PIK3R4: variants seen among roughly 807,000 people sequenced by gnomAD.
PIK3R4 encodes the protein phosphoinositide 3-kinase regulatory subunit 4.
Under a neutral mutation model 136.5 loss-of-function variants are expected in PIK3R4, and 46 were observed. That is an observed-to-expected ratio of 0.34 (90% CI 0.27 to 0.43). The LOEUF (loss-of-function observed/expected upper bound fraction) is 0.43, where lower values mean the gene tolerates loss of function less well. Ranked by LOEUF, PIK3R4 falls within the 20% of genes least tolerant of loss-of-function variation. PIK3R4 has a pLI of 1.00. For missense variants in PIK3R4, 1,331 were observed against 1,649.5 expected, an observed-to-expected ratio of 0.81 and a Z score of 3.35; for synonymous variants, 557 against 566.7, an observed-to-expected ratio of 0.98 and a Z score of 0.24.
Position 130,733,646 on chromosome 3 carries a change from A to G in PIK3R4, c.1352T>C (p.Val451Ala). 2 of 1,614,068 alleles carry G rather than the reference A, an allele frequency of 1.2e-6. No individual in the cohort carries two copies. The highest frequency in any genetic ancestry group is 1.7e-6 in the Non-Finnish European group (2 of 1,179,918). Residue 451 changes from valine to alanine, a missense_variant, in exon 4 of 20, where the codon GTT (valine) becomes GCT (alanine). By Grantham distance (64) the Val-to-Ala change is moderately conservative (BLOSUM62 0). Around this residue, in one of 2 missense-constraint regions of PIK3R4, gnomAD observed 1,180 missense variants for 1,407.0 expected, o/e 0.84. Transcript: ENST00000356763. Reference protein sequence around the residue: ...LTKVLALVKEVPRNDINIYPE... With the variant: ...LTKVLALVKEAPRNDINIYPE... ...ATAAATATTGATATCATTACGAGGA[A>G]CCTCTTTGACGAGAGCAAGAACTTT...
At chr3:130,722,432 G>T (rs1057322191) in intron 7 of PIK3R4, among the ~76,000 whole-genome samples, 1 of 151,820 alleles carries the variant, frequency 6.6e-6, no homozygotes. Flanking sequence ...TGAGTGCAGG[G>T]GTAAAAAACT....
Position 130,699,297 on chromosome 3 carries a change from G to A in PIK3R4, c.3098+4426C>T, listed in dbSNP as rs1020524011. On this transcript the variant is annotated intron_variant, in intron 13 of 19. Transcript: ENST00000356763. The stretch of plus-strand genomic sequence containing the variant: ...GAGTAAGAGTTTTCTCAAAGAACAA[G>A]GTATGGGCCAAGTCAAATAAAGATG... 2.0e-5 allele frequency among the ~76,000 whole-genome samples: 3 copies of A among 152,156 alleles called. No homozygotes were observed. The South Asian group carries it at 6.2e-4, about 32-fold the overall frequency.
rs376824950 is a variant in PIK3R4, at chr3:130,689,241, A to T, written c.3263+1249T>A. On this transcript the variant is annotated intron_variant, in intron 14 of 19. Coordinates refer to ENST00000356763, the MANE Select transcript of PIK3R4 (RefSeq NM_014602.3). ...CTAGTGTTTGCTTTAAGACAGTAAC[A>T]TTTACAGTGAAAAGTGCCATTGGCT... is the stretch of plus-strand genomic sequence containing the variant. Among the ~76,000 whole-genome samples, 8 of 152,322 alleles carry T rather than the reference A, an allele frequency of 5.3e-5. No homozygotes were observed. In the South Asian group the frequency reaches 1.0e-3, roughly 20 times the overall value.
chr3:130,722,362 A>G (rs978080741), intron 7 of PIK3R4, among the ~76,000 whole-genome samples: 2 of 152,228 alleles, frequency 1.3e-5, no homozygotes, highest in African/African-American at 4.8e-5. Context: ...AGCACTCCAT[A>G]TATTCATCCT....
intron 13 of PIK3R4, among the ~76,000 whole-genome samples, chr3:130,693,434 G>A (rs1300530403): frequency 6.6e-6 from 1 of 152,150 alleles, no homozygotes; most frequent in Non-Finnish European, 1.5e-5. Flanking sequence ...AATGTATAAA[G>A]CTTTCAATTT....
In PIK3R4 at chr3:130,701,832, A is replaced by G. The variant is rs187327514; in HGVS notation, c.3098+1891T>C. 7.2e-5 allele frequency among the ~76,000 whole-genome samples: 11 copies of G among 152,140 alleles called. No homozygotes were observed. In the East Asian group the frequency reaches 2.1e-3, roughly 29 times the overall value. ...ATACTGATGTCTGTATCTTATTTTGAAATCATTAAAAAAAAATGGGGCCAG... is the reference window on the plus strand; with the variant it reads ...ATACTGATGTCTGTATCTTATTTTGGAATCATTAAAAAAAAATGGGGCCAG... On this transcript the variant is annotated intron_variant, in intron 13 of 19. Coordinates refer to ENST00000356763, the MANE Select transcript of PIK3R4 (RefSeq NM_014602.3).
chr3:130,697,317 C>A (rs2066551926), intron 13 of PIK3R4, among the ~76,000 whole-genome samples: 2 of 152,116 alleles, frequency 1.3e-5, no homozygotes, highest in South Asian at 4.1e-4. Flanking sequence ...AGGTGATCCA[C>A]CGCCTCAGCC....
chr3:130,694,093 C>T (rs981256972), intron 13 of PIK3R4, among the ~76,000 whole-genome samples: 1 of 152,008 alleles, frequency 6.6e-6, no homozygotes, highest in African/African-American at 2.4e-5. Flanking sequence ...AGTTCTATAC[C>T]ATGAATATAT....
At chr3:130,741,815 A>G (rs1357328054) in intron 2 of PIK3R4, among the ~76,000 whole-genome samples, 2 of 152,224 alleles carry the variant, frequency 1.3e-5, no homozygotes, top group Non-Finnish European at 2.9e-5. Context: ...TGGCTTGCAC[A>G]TAATATGCTC....
At chr3:130,705,384 A>G (rs2066600760) in intron 12 of PIK3R4, among the ~76,000 whole-genome samples, 177 bp downstream of exon 12, 1 of 152,202 alleles carries the variant, frequency 6.6e-6, no homozygotes, top group African/African-American at 2.4e-5. Flanking sequence ...TTGTAAAAAG[A>G]TCCAACTCCA....
intron 16 of PIK3R4, 47 bp from the exon 17 acceptor site, chr3:130,681,638 G>A (rs756472492): frequency 1.7e-6 from 2 of 1,190,146 alleles, no homozygotes; most frequent in East Asian, 2.4e-5. Flanking sequence ...AAAAGAGTTG[G>A]AGAAGATTAC....
chr3:130,733,203 G>A (rs1404861998), intron 4 of PIK3R4, among the ~76,000 whole-genome samples: 1 of 152,158 alleles, frequency 6.6e-6, no homozygotes, highest in Admixed American at 6.5e-5. Flanking sequence ...AAAACTGACA[G>A]TCAAATAACC....
At chr3:130,707,691 G>C (rs1042172386) in intron 10 of PIK3R4, among the ~76,000 whole-genome samples, 2 of 152,128 alleles carry the variant, frequency 1.3e-5, no homozygotes, top group African/African-American at 4.8e-5. Context: ...TGCTAGAATA[G>C]AGGAAATTTT....
rs769654390 is a variant in PIK3R4, at chr3:130,707,135, G to T, written c.2534C>A (p.Ala845Asp). The stretch of plus-strand genomic sequence containing the variant: ...TGAGTCTTGTTTTACATGTTTTCTG[G>T]CTATGAAAATATATTCAGAATAGTT... Reference protein sequence around the residue: ...KTKQEPDDKRARKHVKQDSNV... With the variant: ...KTKQEPDDKRDRKHVKQDSNV... Residue 845 changes from alanine to aspartate, a missense_variant and splice_region_variant, in exon 11 of 20, where the codon GCC becomes GAC. Physicochemically the swap from Ala to Asp is moderately radical, Grantham distance 126. Coordinates refer to ENST00000356763, the MANE Select transcript of PIK3R4 (RefSeq NM_014602.3). The T allele has an allele frequency of 3.1e-6, 5 of 1,595,966 alleles. No homozygotes were observed. Among genetic ancestry groups the T allele is most frequent in the Admixed American group, 3.5e-5 (2 of 57,582 alleles).
intron 2 of PIK3R4, among the ~76,000 whole-genome samples, chr3:130,738,643 A>C (rs2066800145): frequency 6.6e-6 from 1 of 152,014 alleles, no homozygotes; most frequent in Non-Finnish European, 1.5e-5. Context: ...TTGAGCACTA[A>C]GGCAGGGTAA....
intron 2 of PIK3R4, among the ~76,000 whole-genome samples, chr3:130,740,504 A>G (rs2066816273): frequency 1.3e-5 from 2 of 152,110 alleles, no homozygotes; most frequent in South Asian, 4.1e-4. Flanking sequence ...AGGGAGGCCA[A>G]GGGGGCGCGG....
chr3:130,680,971 G>T lies in PIK3R4; in HGVS notation c.3797+6C>A. 7.2e-7 allele frequency: 1 copy of T among 1,389,544 alleles called. No homozygotes were observed. Among genetic ancestry groups the T allele is most frequent in the Non-Finnish European group, 1.0e-6 (1 of 987,800 alleles). The allele number at this position is 1,389,544 out of a possible 1,614,324, so 86.1% of individuals were successfully genotyped here. A position where few individuals can be genotyped will look rare whatever the true frequency, so the allele number is the denominator to read the frequency against. On this transcript the variant is annotated splice_donor_region_variant and intron_variant, in intron 18 of 19. Coordinates refer to ENST00000356763, the MANE Select transcript of PIK3R4 (RefSeq NM_014602.3). Reference sequence around the variant, plus strand: ...TCCATTTTATTAAAGTATTGAGATAGTGTACCTTATTTTCATATCTGAGCC... The same window carrying T: ...TCCATTTTATTAAAGTATTGAGATATTGTACCTTATTTTCATATCTGAGCC...
chr3:130,728,432 T>G, intron 6 of PIK3R4, 31 bp downstream of exon 6: 2 of 1,404,474 alleles, frequency 1.4e-6, no homozygotes, highest in Non-Finnish European at 2.0e-6. Flanking sequence ...TGATTAAAAA[T>G]CTTAAAGGAA....
At chr3:130,690,448 T>G (rs1455253913) in intron 14 of PIK3R4, 42 bp downstream of exon 14, 9 of 1,449,764 alleles carry the variant, frequency 6.2e-6, no homozygotes, top group Non-Finnish European at 7.6e-6. Context: ...GGTACTGTAG[T>G]GCACTAAATA....
Sources: allele counts gnomAD v4.1 joint callset (sites outside exome capture counted in the v4.1 genomes callset), GRCh38; gene constraint gnomAD v4.1.1; regional missense constraint gnomAD v4.1.1; transcripts MANE v1.5; gene names NCBI Gene and HGNC (gene_info 2026-07-23, HGNC 2026-07-21).